The following SUMO3 variants were observed in gnomAD, a reference collection of about 807,000 sequenced individuals.
SUMO3 encodes small ubiquitin-related modifier 3.
Under a neutral mutation model 11.1 loss-of-function variants are expected in SUMO3, and 2 were observed. The observed-to-expected ratio is 0.18, with a 90% CI of 0.07 to 0.57. The LOEUF is 0.57. Ranked by LOEUF, SUMO3 falls within the 20% of genes least tolerant of loss-of-function variation. The probability of loss-of-function intolerance (pLI) is 0.92; values close to 1 mark genes in which losing one functional copy is unlikely to be tolerated. For missense variants in SUMO3, 70 were observed against 132.8 expected (o/e 0.53, Z 2.32); for synonymous variants, 56 against 53.5 (o/e 1.05, Z -0.20).
At chr21:44,813,650 C>T in intron 2 of SUMO3, 1 of 682,482 alleles carries the variant, frequency 1.5e-6, no homozygotes, top group Non-Finnish European at 2.4e-6. Flanking sequence ...TGAGCAGGGC[C>T]CCCAAGAGCC....
At chr21:44,817,828 C>CGGGGA (rs1294497671) in intron 1 of SUMO3, 120 bp downstream of exon 1, 1 of 101,750 alleles carries the variant, frequency 9.8e-6, no homozygotes, top group East Asian at 2.9e-4. Flanking sequence ...CTCTAGAGGG[C>CGGGGA]GGGGAGGGGC....
rs2083186708 is a variant in SUMO3 at position 44,807,820 on chromosome 21, C to T, written c.223-780G>A. 6.6e-6 allele frequency among the ~76,000 whole-genome samples: 1 copy of T among 152,170 alleles called. No individual in the cohort carries two copies. Among genetic ancestry groups the T allele is most frequent in the East Asian group, 1.9e-4 (1 of 5,184 alleles). On this transcript the variant is annotated intron_variant, in intron 3 of 3. Transcript: ENST00000332859. This position sits in a 1 kb window ranked among gnomAD's most constrained non-coding sequence, Gnocchi z 4.3. The stretch of plus-strand genomic sequence containing the variant: ...GCCTCTCGGTCCACCTGTCCACAGC[C>T]AGCCCCCTGACCCCCAGTCAAGCCC...
chr21:44,817,333 C>T (rs981654442), intron 1 of SUMO3, among the ~76,000 whole-genome samples: 4 of 150,434 alleles, frequency 2.7e-5, no homozygotes, highest in African/African-American at 9.8e-5. Flanking sequence ...TGGGCGCACA[C>T]TGGGGGACGC....
chr21:44,813,773 T>A, intron 2 of SUMO3: 2 of 1,476,688 alleles, frequency 1.4e-6, no homozygotes, highest in Admixed American at 4.2e-5. Flanking sequence ...TCTAGGTCCC[T>A]CCACCTTATA....
rs1040414964 is a variant in SUMO3, at chr21:44,807,913, A to G, written c.223-873T>C. ...GCTTCTCCCTGGTGAACACTCCCAG[A>G]GCTGCCACTGCCTCAGCGGTGTGTA... On this transcript the variant is annotated intron_variant, in intron 3 of 3. Coordinates refer to ENST00000332859, the MANE Select transcript of SUMO3 (RefSeq NM_006936.3). This position sits in a 1 kb window ranked among gnomAD's most constrained non-coding sequence, Gnocchi z 4.3. Among the ~76,000 whole-genome samples, 1 of 152,258 alleles carries G rather than the reference A, an allele frequency of 6.6e-6. No individual in the cohort carries two copies. The highest frequency in any genetic ancestry group is 2.4e-5 in the African/African-American group (1 of 41,476).
In SUMO3 at chr21:44,810,077, G is replaced by A. The variant is rs1038413968; in HGVS notation, c.151-959C>T. Among the ~76,000 whole-genome samples, 11 of 152,338 alleles carry A rather than the reference G, an allele frequency of 7.2e-5. No homozygotes were observed. Among genetic ancestry groups the A allele is most frequent in the South Asian group, 4.1e-4 (2 of 4,830 alleles). On this transcript the variant is annotated intron_variant, in intron 2 of 3. Transcript: ENST00000332859. This position sits in a 1 kb window ranked among gnomAD's most constrained non-coding sequence, Gnocchi z 4.1. ...AGGAGGGCAGCAGGAAGGAGAGCACGCAGCCTTTCTGCGTCCTGAGGGAAT... is the reference window on the plus strand; with the variant it reads ...AGGAGGGCAGCAGGAAGGAGAGCACACAGCCTTTCTGCGTCCTGAGGGAAT...
intron 2 of SUMO3, chr21:44,813,743 C>T (rs2083226885): frequency 7.2e-7 from 1 of 1,393,268 alleles, no homozygotes; most frequent in African/African-American, 1.4e-5. Flanking sequence ...GAAGAAAAAC[C>T]CACCACACTT....
intron 1 of SUMO3, among the ~76,000 whole-genome samples, chr21:44,814,525 AC>A (rs1478241195): frequency 6.6e-6 from 1 of 152,216 alleles, no homozygotes; most frequent in Non-Finnish European, 1.5e-5. Flanking sequence ...ACAGAGCAAG[AC>A]CCCATCTCTT....
At chr21:44,813,474 GGAA>G (rs1398832441) in intron 2 of SUMO3, 2 of 239,752 alleles carry the variant, frequency 8.3e-6, no homozygotes, top group Non-Finnish European at 1.7e-5. Flanking sequence ...CTGAAACTGG[GGAA>G]GAAGGGGAAA....
At chr21:44,814,772 G>GT (rs1160333535) in intron 1 of SUMO3, among the ~76,000 whole-genome samples, 1 of 152,182 alleles carries the variant, frequency 6.6e-6, no homozygotes, top group Non-Finnish European at 1.5e-5. Flanking sequence ...CCACCTCCGA[G>GT]TACTTTCTGG....
At chr21:44,813,289 C>T (rs2083223169) in intron 2 of SUMO3, among the ~76,000 whole-genome samples, 1 of 152,182 alleles carries the variant, frequency 6.6e-6, no homozygotes, top group Non-Finnish European at 1.5e-5. Flanking sequence ...CCCCAACACA[C>T]CAGGCAGCAG....
chr21:44,817,167 C>T (rs1601220525), intron 1 of SUMO3, among the ~76,000 whole-genome samples: 2 of 31,318 alleles, frequency 6.4e-5, no homozygotes, highest in South Asian at 1.1e-3. Flanking sequence ...CCATGGGGGG[C>T]GTGATGGGGA....
intron 3 of SUMO3, chr21:44,808,617 G>C: frequency 1.5e-6 from 2 of 1,366,642 alleles, no homozygotes; most frequent in Non-Finnish European, 1.9e-6. Flanking sequence ...GTGCCTGAGA[G>C]AAACGAGCTG....
In SUMO3 at chr21:44,806,897, C is replaced by A; in HGVS notation, c.*54G>T. The A allele has an allele frequency of 6.2e-7, 1 of 1,609,864 alleles. No homozygotes were observed. Among genetic ancestry groups the A allele is most frequent in the Non-Finnish European group, 8.5e-7 (1 of 1,177,278 alleles). ...CCTTTGTGGTCGGCATGGTCACGTG[C>A]TCACCATTCAACAGCAATGCGAGGA... is the stretch of plus-strand genomic sequence containing the variant. On this transcript the variant is annotated 3_prime_UTR_variant, in exon 4 of 4. Transcript: ENST00000332859.
At chr21:44,808,621 C>A in intron 3 of SUMO3, 1 of 1,361,412 alleles carries the variant, frequency 7.3e-7, no homozygotes, top group Non-Finnish European at 9.5e-7. Flanking sequence ...CTGAGAGAAA[C>A]GAGCTGTGCA....
rs1031345033 is a variant in SUMO3, at chr21:44,807,970, G to A, written c.223-930C>T. 2.0e-5 allele frequency among the ~76,000 whole-genome samples: 3 copies of A among 152,236 alleles called. No individual in the cohort carries two copies. Among genetic ancestry groups the A allele is most frequent in the Non-Finnish European group, 4.4e-5 (3 of 68,050 alleles). On this transcript the variant is annotated intron_variant, in intron 3 of 3. Transcript: ENST00000332859. This position sits in a 1 kb window ranked among gnomAD's most constrained non-coding sequence, Gnocchi z 4.3. ...CTCAAGTAGGTACAAATGGATACTT[G>A]TTGCAAAGATGTTTTCAATATTTAT...
At chr21:44,813,865 G>A (rs750254252) in intron 2 of SUMO3, 111 bp downstream of exon 2, 36 of 1,582,448 alleles carry the variant, frequency 2.3e-5, no homozygotes, top group Admixed American at 5.2e-5. Context: ...AGGGCACCTC[G>A]GGCAGCTGCA....
intron 3 of SUMO3, chr21:44,808,429 C>T (rs962249698): frequency 1.4e-5 from 17 of 1,224,264 alleles, no homozygotes; most frequent in Admixed American, 8.8e-5. Context: ...AGGAGAATGG[C>T]GTGAACTCAG....
chr21:44,806,820 C>T lies in SUMO3; in HGVS notation c.*131G>A, dbSNP rs779382696. On this transcript the variant is annotated 3_prime_UTR_variant, in exon 4 of 4. Coordinates refer to ENST00000332859, the MANE Select transcript of SUMO3 (RefSeq NM_006936.3). ...ATAGTTTTGAGTTGCACTTGAAGTA[C>T]ATCAAAGAGAGGAAAATCATCGTGG... 1.2e-5 allele frequency: 17 copies of T among 1,476,160 alleles called. No homozygotes were observed. The East Asian group carries it at 3.5e-4, about 30-fold the overall frequency. The allele number at this position is 1,476,160 out of a possible 1,614,324, so 91.4% of individuals were successfully genotyped here. A position where few individuals can be genotyped will look rare whatever the true frequency, so the allele number is the denominator to read the frequency against.
Sources: gnomAD v4.1 joint callset for allele counts (sites outside exome capture counted in the v4.1 genomes callset) on GRCh38, gnomAD v4.1.1 for gene constraint, Gnocchi (gnomAD v3.1) non-coding constraint, MANE v1.5 for transcripts, NCBI Gene and HGNC (gene_info 2026-07-23, HGNC 2026-07-21) for gene names.